MRPL49: variants seen among roughly 807,000 people sequenced by gnomAD.
MRPL49 encodes mitochondrial ribosomal protein L49.
Under a neutral mutation model 18.4 loss-of-function variants are expected in MRPL49, and 14 were observed. The ratio of observed to expected loss-of-function variants is 0.76; its 90% CI spans 0.50 to 1.19. MRPL49 has a LOEUF of 1.19. MRPL49 is among the 50% of genes most tolerant of loss of function. The pLI is 0.00. For synonymous variants in MRPL49, 104 were observed against 86.2 expected (o/e 1.21, Z -1.14); for missense variants, 190 against 217.8 (o/e 0.87, Z 0.80).
At chr11:65,123,274 A>C (rs1257814417) in intron 1 of MRPL49, among the ~76,000 whole-genome samples, 1 of 152,250 alleles carries the variant, frequency 6.6e-6, no homozygotes, top group African/African-American at 2.4e-5. Flanking sequence ...CATTCAGAGT[A>C]CCTGAGCCTC....
chr11:65,122,826 C>T (rs1160544214), intron 1 of MRPL49, among the ~76,000 whole-genome samples: 1 of 151,140 alleles, frequency 6.6e-6, no homozygotes, highest in Non-Finnish European at 1.5e-5. Flanking sequence ...TTCACGCCAT[C>T]CTCCTGCCTC....
chr11:65,124,429 C>G, intron 1 of MRPL49, 73 bp from the exon 2 acceptor site: 1 of 1,410,982 alleles, frequency 7.1e-7, no homozygotes, highest in South Asian at 1.3e-5. Flanking sequence ...TGTTTCCATT[C>G]TCTACTTACT....
At chr11:65,124,689 C>T (rs747572123) in intron 2 of MRPL49, 37 bp downstream of exon 2, 3 of 1,605,688 alleles carry the variant, frequency 1.9e-6, no homozygotes, top group African/African-American at 2.7e-5. Flanking sequence ...GAAAGCTTCA[C>T]GGAGCATCAC....
At position 65,126,102 on chromosome 11, in the gene MRPL49, GC is replaced by G. The variant is rs1948098742; in HGVS notation, c.*231del. 1.5e-5 allele frequency: 7 copies of G among 457,298 alleles called. No homozygotes were observed. The highest frequency in any genetic ancestry group is 2.3e-5 in the Non-Finnish European group (6 of 260,284). The allele number at this position is 457,298 out of a possible 1,614,324, so 28.3% of individuals were successfully genotyped here. Reference sequence around the variant, plus strand: ...ATAGGGATCACCAGGCTAATGGGGGGCGTCAGCAGCTTTCTCTCCCTCCTAT... The same window carrying G: ...ATAGGGATCACCAGGCTAATGGGGGGGTCAGCAGCTTTCTCTCCCTCCTAT... On this transcript the variant is annotated 3_prime_UTR_variant, in exon 4 of 4. Transcript: ENST00000279242.
At chr11:65,122,492 C>G (rs1330969114) in intron 1 of MRPL49, 68 bp downstream of exon 1, 2 of 1,458,650 alleles carry the variant, frequency 1.4e-6, no homozygotes, top group Non-Finnish European at 1.9e-6. Flanking sequence ...TCATTGTTAA[C>G]CCCGAAAACT....
rs770003687 is a variant in MRPL49 at position 65,125,881 on chromosome 11, C to A, written c.*9C>A. On this transcript the variant is annotated 3_prime_UTR_variant, in exon 4 of 4. Transcript: ENST00000279242. Reference sequence around the variant, plus strand: ...TGGAGAAAGGCTTCTGAGGCCCAGCCGAGCAGCCTGCTTGTCAGCATGCCC... The same window carrying A: ...TGGAGAAAGGCTTCTGAGGCCCAGCAGAGCAGCCTGCTTGTCAGCATGCCC... 3 of 1,599,386 alleles carry A rather than the reference C, an allele frequency of 1.9e-6. No individual in the cohort carries two copies. Among genetic ancestry groups the A allele is most frequent in the South Asian group, 1.1e-5 (1 of 90,268 alleles).
Position 65,126,753 on chromosome 11 carries a change from T to G in MRPL49, c.*881T>G. On this transcript the variant is annotated 3_prime_UTR_variant, in exon 4 of 4. Transcript: ENST00000279242. Reference sequence around the variant, plus strand: ...TTAGCCCCGGGCTCTGATAGAGAGGTAGGAGGCACGTTCTTGGTCACTGTT... The same window carrying G: ...TTAGCCCCGGGCTCTGATAGAGAGGGAGGAGGCACGTTCTTGGTCACTGTT... The G allele has an allele frequency of 2.0e-6, 1 of 495,942 alleles. No homozygotes were observed. Among genetic ancestry groups the G allele is most frequent in the Non-Finnish European group, 3.6e-6 (1 of 279,974 alleles). 30.7% of individuals were successfully genotyped at this position (495,942 alleles called of 1,614,324 possible).
At chr11:65,124,885 G>T in intron 2 of MRPL49, 1 of 445,680 alleles carries the variant, frequency 2.2e-6, no homozygotes, top group Non-Finnish European at 3.9e-6. Flanking sequence ...CCATATGGGG[G>T]AAAGTAAACA....
In MRPL49 at chr11:65,125,904, C is replaced by A; in HGVS notation, c.*32C>A. 6.3e-7 allele frequency: 1 copy of A among 1,584,904 alleles called. No individual in the cohort carries two copies. The highest frequency in any genetic ancestry group is 8.6e-7 in the Non-Finnish European group (1 of 1,162,680). On this transcript the variant is annotated 3_prime_UTR_variant, in exon 4 of 4. Coordinates refer to ENST00000279242, the MANE Select transcript of MRPL49 (RefSeq NM_004927.4). ...GCCGAGCAGCCTGCTTGTCAGCATG[C>A]CCTGTGGATCAAGTCTAGGGGGCCT...
chr11:65,123,694 A>C (rs1470014982), intron 1 of MRPL49, among the ~76,000 whole-genome samples: 1 of 152,132 alleles, frequency 6.6e-6, no homozygotes, highest in Non-Finnish European at 1.5e-5. Context: ...AGATCACACC[A>C]CTGCACTCCA....
At chr11:65,125,200 G>A (rs990076234) in intron 2 of MRPL49, 3 of 447,344 alleles carry the variant, frequency 6.7e-6, no homozygotes, top group Non-Finnish European at 1.2e-5. Flanking sequence ...GGAGGGCAAG[G>A]GTTGGCCTAG....
chr11:65,125,464 T>C, intron 2 of MRPL49, 24 bp from the exon 3 acceptor site: 3 of 1,612,592 alleles, frequency 1.9e-6, no homozygotes, highest in Non-Finnish European at 2.5e-6. Context: ...AGAGTTGATT[T>C]AACAGTGTCT....
Position 65,126,029 on chromosome 11 carries a change from A to C in MRPL49, c.*157A>C. On this transcript the variant is annotated 3_prime_UTR_variant, in exon 4 of 4. Coordinates refer to ENST00000279242, the MANE Select transcript of MRPL49 (RefSeq NM_004927.4). ...AGGCCTTGCTTGCATAAAGGAGAAA[A>C]CAACTCTATGTACATGCTGGGGGAG... The C allele has an allele frequency of 1.3e-6, 1 of 792,678 alleles. No homozygotes were observed. Among genetic ancestry groups the C allele is most frequent in the Non-Finnish European group, 1.9e-6 (1 of 515,520 alleles). 49.1% of individuals were successfully genotyped at this position (792,678 alleles called of 1,614,324 possible). A position where few individuals can be genotyped will look rare whatever the true frequency, so the allele number is the denominator to read the frequency against.
In MRPL49 at chr11:65,126,075, A is replaced by G; in HGVS notation, c.*203A>G. On this transcript the variant is annotated 3_prime_UTR_variant, in exon 4 of 4. Coordinates refer to ENST00000279242, the MANE Select transcript of MRPL49 (RefSeq NM_004927.4). ...GGGAGAGTGCCTAATGTGGGAGACC[A>G]AATAGGGATCACCAGGCTAATGGGG... 1 of 531,926 alleles carries G rather than the reference A, an allele frequency of 1.9e-6. No homozygotes were observed. Among genetic ancestry groups the G allele is most frequent in the Non-Finnish European group, 3.2e-6 (1 of 309,692 alleles). The allele number at this position is 531,926 out of a possible 1,614,324, so 33.0% of individuals were successfully genotyped here. A position where few individuals can be genotyped will look rare whatever the true frequency, so the allele number is the denominator to read the frequency against.
chr11:65,122,617 C>G lies in MRPL49; in HGVS notation c.78+193C>G, dbSNP rs1007743492. 1.7e-5 allele frequency: 10 copies of G among 578,082 alleles called. No individual in the cohort carries two copies. The South Asian group carries it at 1.8e-4, about 10-fold the overall frequency. 35.8% of individuals were successfully genotyped at this position (578,082 alleles called of 1,614,324 possible). ...TAGACTGGGGTGCTCTTTGGGAGCA[C>G]TTAACACAGTGCCTGGCAGTGTCTA... On this transcript the variant is annotated intron_variant, in intron 1 of 3. Coordinates refer to ENST00000279242, the MANE Select transcript of MRPL49 (RefSeq NM_004927.4).
rs114512693 is a variant in MRPL49, at chr11:65,122,639, T to G, written c.78+215T>G. ...GCACTTAACACAGTGCCTGGCAGTG[T>G]CTATATAAGCCACAACGTTTCAGGT... On this transcript the variant is annotated intron_variant, in intron 1 of 3. Coordinates refer to ENST00000279242, the MANE Select transcript of MRPL49 (RefSeq NM_004927.4). Among the ~76,000 whole-genome samples the G allele has an allele frequency of 4.2e-3, 633 of 152,062 alleles. 1 individual carries two copies. Among genetic ancestry groups the G allele is most frequent in the African/African-American group, 0.014 (568 of 41,446 alleles).
intron 1 of MRPL49, among the ~76,000 whole-genome samples, chr11:65,123,445 G>A (rs1180210843): frequency 6.6e-6 from 1 of 152,180 alleles, no homozygotes; most frequent in African/African-American, 2.4e-5. Flanking sequence ...GTTTTTAACA[G>A]AAAAATGGGC....
intron 1 of MRPL49, among the ~76,000 whole-genome samples, chr11:65,122,826 C>G (rs1160544214): frequency 6.6e-6 from 1 of 151,140 alleles, no homozygotes; most frequent in African/African-American, 2.4e-5. Flanking sequence ...TTCACGCCAT[C>G]CTCCTGCCTC....
Position 65,125,619 on chromosome 11 carries a change from G to A in MRPL49, c.354+7G>A. 6.2e-7 allele frequency: 1 copy of A among 1,609,810 alleles called. No homozygotes were observed. Among genetic ancestry groups the A allele is most frequent in the Non-Finnish European group, 8.5e-7 (1 of 1,176,136 alleles). On this transcript the variant is annotated splice_region_variant and intron_variant, in intron 3 of 3. Transcript: ENST00000279242. ...AGTGGAAGGGGACATCTGGGTAAGT[G>A]GGTGGGTGGGTCTGGGACTGGGCCT...
Sources: gnomAD v4.1 joint callset for allele counts (sites outside exome capture counted in the v4.1 genomes callset) on GRCh38, gnomAD v4.1.1 for gene constraint, MANE v1.5 for transcripts, NCBI Gene and HGNC (gene_info 2026-07-23, HGNC 2026-07-21) for gene names.